The following CCSER1 variants were observed in gnomAD, a reference collection of about 807,000 sequenced individuals.
CCSER1 encodes coiled-coil serine rich protein 1, also known as serine-rich coiled-coil domain-containing protein 1.
Under a neutral mutation model 82.0 loss-of-function variants are expected in CCSER1, and 41 were observed. That is an observed-to-expected ratio of 0.50 (90% CI 0.39 to 0.65). The LOEUF is 0.65. Among genes scored for constraint, CCSER1 ranks in the 30% least tolerant of loss-of-function variants. The pLI, the probability that CCSER1 is intolerant of heterozygous loss-of-function variation, is 0.00. For missense variants in CCSER1, 1,119 were observed against 1,064.2 expected (o/e 1.05, Z -0.72); for synonymous variants, 414 against 383.9 (o/e 1.08, Z -0.92).
intron 5 of CCSER1, among the ~76,000 whole-genome samples, chr4:90,508,388 C>T (rs1771009989): frequency 6.6e-6 from 1 of 151,968 alleles, no homozygotes. Flanking sequence ...ATTTAGACCT[C>T]ACAGACTTGT....
At chr4:90,325,162 G>T (rs1420921560) in intron 3 of CCSER1, among the ~76,000 whole-genome samples, 1 of 152,114 alleles carries the variant, frequency 6.6e-6, no homozygotes, top group Non-Finnish European at 1.5e-5. Flanking sequence ...TCAGTTTGGT[G>T]TTCCGATGTG....
At chr4:90,619,585 C>A (rs2148869590) in intron 5 of CCSER1, among the ~76,000 whole-genome samples, 1 of 152,106 alleles carries the variant, frequency 6.6e-6, no homozygotes, top group East Asian at 1.9e-4. Context: ...TATGAAATGT[C>A]TTTGATGATT....
At chr4:91,586,520 G>C (rs1764002178) in intron 10 of CCSER1, among the ~76,000 whole-genome samples, 1 of 151,594 alleles carries the variant, frequency 6.6e-6, no homozygotes, top group Non-Finnish European at 1.5e-5. Flanking sequence ...AACTGATAAT[G>C]GAATTCAAAA....
intron 9 of CCSER1, among the ~76,000 whole-genome samples, chr4:91,079,107 A>G (rs1405724171): frequency 6.6e-6 from 1 of 152,154 alleles, no homozygotes; most frequent in East Asian, 1.9e-4. Flanking sequence ...GAGAAGAGCA[A>G]ATCCAAGACA....
At chr4:90,641,126 A>G (rs944849740) in intron 6 of CCSER1, among the ~76,000 whole-genome samples, 1 of 152,122 alleles carries the variant, frequency 6.6e-6, no homozygotes, top group Non-Finnish European at 1.5e-5. Flanking sequence ...TACTCTCCCA[A>G]TGAGGTATAA....
At chr4:91,431,592 C>G (rs1320138061) in intron 10 of CCSER1, among the ~76,000 whole-genome samples, 1 of 151,864 alleles carries the variant, frequency 6.6e-6, no homozygotes, top group African/African-American at 2.4e-5. Flanking sequence ...CTCAGCCTCC[C>G]GAGTAGCTGG....
intron 10 of CCSER1, among the ~76,000 whole-genome samples, chr4:91,164,979 G>A (rs116567158): frequency 0.015 from 2,242 of 152,276 alleles, 50 homozygotes; most frequent in African/African-American, 0.05. Context: ...CATTGCTGGC[G>A]AGGAGCTGTG....
At chr4:91,206,270 A>G (rs1736335779) in intron 10 of CCSER1, among the ~76,000 whole-genome samples, 1 of 151,942 alleles carries the variant, frequency 6.6e-6, no homozygotes, top group Admixed American at 6.6e-5. Context: ...GTTTATAACC[A>G]CATCCACCCA....
chr4:91,250,678 T>C (rs1740181984), intron 10 of CCSER1, among the ~76,000 whole-genome samples: 1 of 151,540 alleles, frequency 6.6e-6, no homozygotes, highest in African/African-American at 2.4e-5. Flanking sequence ...TGCCTTTTTT[T>C]TGGTAGTTCT....
At chr4:90,922,483 A>T (rs1728527338) in intron 8 of CCSER1, among the ~76,000 whole-genome samples, 1 of 152,128 alleles carries the variant, frequency 6.6e-6, no homozygotes, top group South Asian at 2.1e-4. Context: ...CATTCAAAAG[A>T]AAAGAAAATG....
intron 7 of CCSER1, among the ~76,000 whole-genome samples, chr4:90,725,485 A>G (rs1006210674): frequency 1.3e-5 from 2 of 151,526 alleles, no homozygotes; most frequent in Admixed American, 1.3e-4. Flanking sequence ...TGGCCAACAT[A>G]GTTATAGTGA....
chr4:91,419,697 A>G (rs965972467), intron 10 of CCSER1, among the ~76,000 whole-genome samples: 7 of 152,180 alleles, frequency 4.6e-5, no homozygotes, highest in African/African-American at 1.7e-4. Flanking sequence ...AATAATAGAA[A>G]AAAATCTAAA....
chr4:90,650,092 C>A (rs1728443218), intron 6 of CCSER1, among the ~76,000 whole-genome samples: 1 of 152,112 alleles, frequency 6.6e-6, no homozygotes, highest in Admixed American at 6.5e-5. Flanking sequence ...TGGCAGGCAC[C>A]TGTAATCCCA....
At chr4:90,204,911 C>T (rs1455911931) in intron 1 of CCSER1, among the ~76,000 whole-genome samples, 1 of 152,138 alleles carries the variant, frequency 6.6e-6, no homozygotes. Context: ...TCCTTTACAT[C>T]CCTTGTAAGT....
In CCSER1 at chr4:91,441,239, G is replaced by A. The variant is rs543385925; in HGVS notation, c.2218-157333G>A. Among the ~76,000 whole-genome samples the A allele has an allele frequency of 2.0e-4, 30 of 151,758 alleles. No homozygotes were observed. In the East Asian group the frequency reaches 3.3e-3, roughly 17 times the overall value. ...ATCCTCAATAAAATACTGGCAAACC[G>A]AATCCAGCAGCACATCAAAAAGCTT... is the stretch of plus-strand genomic sequence containing the variant. On this transcript the variant is annotated intron_variant, in intron 10 of 10. Transcript: ENST00000509176.
At chr4:91,119,459 A>G (rs1726902839) in intron 10 of CCSER1, among the ~76,000 whole-genome samples, 2 of 152,030 alleles carry the variant, frequency 1.3e-5, no homozygotes, top group Admixed American at 1.3e-4. Flanking sequence ...CTTCACTCAT[A>G]TTTTTAGATT....
intron 8 of CCSER1, among the ~76,000 whole-genome samples, chr4:90,901,049 T>A: frequency 6.7e-6 from 1 of 149,108 alleles, no homozygotes; most frequent in South Asian, 2.1e-4. Context: ...CTAATTTGAC[T>A]TTTTTTAAAA....
chr4:90,944,239 A>C (rs1255680460), intron 9 of CCSER1, among the ~76,000 whole-genome samples: 2 of 151,844 alleles, frequency 1.3e-5, no homozygotes, highest in African/African-American at 4.8e-5. Context: ...CTCAAAAAAA[A>C]AAAAAAAAAT....
At chr4:90,993,658 G>A (rs1561453522) in intron 9 of CCSER1, among the ~76,000 whole-genome samples, 1 of 151,918 alleles carries the variant, frequency 6.6e-6, no homozygotes, top group South Asian at 2.1e-4. Context: ...TCCTGATGAG[G>A]CCCTTCTTTC....
Sources: gnomAD v4.1 joint callset for allele counts (sites outside exome capture counted in the v4.1 genomes callset) on GRCh38, gnomAD v4.1.1 for gene constraint, MANE v1.5 for transcripts, NCBI Gene and HGNC (gene_info 2026-07-23, HGNC 2026-07-21) for gene names.